The following CHAT variants were observed in gnomAD, a reference collection of about 807,000 sequenced individuals.
CHAT encodes choline O-acetyltransferase, also known as acetyl CoA:choline O-acetyltransferase.
CHAT carries 61 observed loss-of-function variants against 76.9 expected under a neutral mutation model. The observed-to-expected ratio is 0.79, with a 90% CI of 0.65 to 0.98. The LOEUF (loss-of-function observed/expected upper bound fraction) is 0.98. Ranked by LOEUF, CHAT falls within the 50% of genes least tolerant of loss-of-function variation. The pLI, the probability that CHAT is intolerant of heterozygous loss-of-function variation, is 0.00. For synonymous variants in CHAT, 407 were observed against 397.4 expected (o/e 1.02, Z -0.29); for missense variants, 946 against 986.9 (o/e 0.96, Z 0.56).
chr10:49,629,946 C>T (rs17010197), intron 7 of CHAT, among the ~76,000 whole-genome samples: 5 of 152,048 alleles, frequency 3.3e-5, no homozygotes, highest in African/African-American at 4.8e-5. Context: ...AGACCAGTGA[C>T]GTCAAGGCCA....
upstream of CHAT, chr10:49,611,441 T>G (rs1838292799): frequency 6.3e-6 from 10 of 1,598,174 alleles, no homozygotes; most frequent in Non-Finnish European, 7.6e-6. Flanking sequence ...TTCGGGGGCA[T>G]CCTCTATGAG....
At chr10:49,630,526 G>C (rs779891914) in intron 7 of CHAT, among the ~76,000 whole-genome samples, 28 of 152,204 alleles carry the variant, frequency 1.8e-4, no homozygotes, top group Non-Finnish European at 4.0e-4. Flanking sequence ...AATTGTCGAT[G>C]AGGCAGTCAG....
intron 2 of CHAT, 55 bp from the exon 3 acceptor site, chr10:49,619,670 A>T: frequency 6.4e-7 from 1 of 1,559,922 alleles, no homozygotes; most frequent in African/African-American, 1.3e-5. Flanking sequence ...CAACTTGGGG[A>T]CAGGCATGGG....
intron 6 of CHAT, 132 bp from the exon 7 acceptor site, chr10:49,627,476 C>A: frequency 1.1e-6 from 1 of 935,116 alleles, no homozygotes; most frequent in Non-Finnish European, 1.8e-6. Flanking sequence ...TAAACTGAGA[C>A]TAGAACCACC....
chr10:49,663,185 G>A (rs1272958594), intron 14 of CHAT, among the ~76,000 whole-genome samples: 1 of 152,064 alleles, frequency 6.6e-6, no homozygotes, highest in Non-Finnish European at 1.5e-5. Context: ...AGCCCTGATT[G>A]CACCACTGCA....
upstream of CHAT, chr10:49,611,035 G>A (rs1838280465): frequency 6.2e-7 from 1 of 1,613,832 alleles, no homozygotes; most frequent in Admixed American, 1.7e-5. Flanking sequence ...CAACACCTCG[G>A]CGTCCCCGAC....
Position 49,620,549 on chromosome 10 carries a change from G to A in CHAT, c.634G>A (p.Val212Ile). ...MYLNNRLALP[V>I]NSSPAVIFAR... is the part of the protein sequence containing the mutation. ...TCTCAACAACCGCCTGGCCCTGCCT[G>A]TCAACTCCAGCCCTGCCGTGATCTT... Residue 212 changes from valine to isoleucine, a missense_variant, in exon 4 of 15, where the codon GTC (valine) becomes ATC (isoleucine). Val to Ile is a conservative substitution (Grantham distance 29). This residue lies in a region of CHAT where 548 missense variants were observed against 516.2 expected (regional missense o/e 1.06). Coordinates refer to ENST00000337653, the MANE Select transcript of CHAT (RefSeq NM_020549.5). 1 of 1,613,908 alleles carries A rather than the reference G, an allele frequency of 6.2e-7. No homozygotes were observed. Among genetic ancestry groups the A allele is most frequent in the Non-Finnish European group, 8.5e-7 (1 of 1,179,878 alleles).
intron 4 of CHAT, among the ~76,000 whole-genome samples, chr10:49,621,528 C>T (rs970949690): frequency 6.6e-6 from 1 of 152,172 alleles, no homozygotes; most frequent in Non-Finnish European, 1.5e-5. Flanking sequence ...CCCAAGCACT[C>T]GATTTCCTTT....
In CHAT at chr10:49,656,232, A is replaced by G. The variant is rs549955793; in HGVS notation, c.1839+784A>G. Among the ~76,000 whole-genome samples, 25 of 150,452 alleles carry G rather than the reference A, an allele frequency of 1.7e-4. No individual in the cohort carries two copies. The East Asian group carries it at 2.0e-3, about 12-fold the overall frequency. On this transcript the variant is annotated intron_variant, in intron 13 of 14. Coordinates refer to ENST00000337653, the MANE Select transcript of CHAT (RefSeq NM_020549.5). ...GGTCCCTAATTCATCTAAATACTTCAGTGTTTGTTCTATTTGGGGAAAACA... is the reference window on the plus strand; with the variant it reads ...GGTCCCTAATTCATCTAAATACTTCGGTGTTTGTTCTATTTGGGGAAAACA...
intron 2 of CHAT, among the ~76,000 whole-genome samples, chr10:49,617,402 G>C (rs1278516355): frequency 6.6e-6 from 1 of 152,184 alleles, no homozygotes; most frequent in African/African-American, 2.4e-5. Flanking sequence ...CCCAGGATCT[G>C]ACTCACATGA....
intron 6 of CHAT, among the ~76,000 whole-genome samples, chr10:49,627,209 C>T (rs1157831896): frequency 6.6e-6 from 1 of 152,248 alleles, no homozygotes; most frequent in Non-Finnish European, 1.5e-5. Context: ...TTCCGGTACA[C>T]ACGGGTACGT....
At chr10:49,624,252 T>A (rs1264219967) in intron 5 of CHAT, among the ~76,000 whole-genome samples, 4 of 152,172 alleles carry the variant, frequency 2.6e-5, no homozygotes. Context: ...CAACAAAAAA[T>A]TGATTACTAG....
At chr10:49,615,181 C>A (rs888824308) in intron 1 of CHAT, among the ~76,000 whole-genome samples, 2 of 152,062 alleles carry the variant, frequency 1.3e-5, no homozygotes, top group African/African-American at 4.8e-5. Context: ...GGCTCTGGGC[C>A]AGAGCAAAAG....
intron 7 of CHAT, among the ~76,000 whole-genome samples, chr10:49,632,748 C>A (rs1240153336): frequency 6.6e-6 from 1 of 152,224 alleles, no homozygotes; most frequent in Non-Finnish European, 1.5e-5. Context: ...CTTCACCCTG[C>A]CCCCAACCAG....
intron 13 of CHAT, among the ~76,000 whole-genome samples, chr10:49,657,485 T>G (rs1385931234): frequency 6.6e-6 from 1 of 152,060 alleles, no homozygotes; most frequent in African/African-American, 2.4e-5. Flanking sequence ...TCAGTTCCTC[T>G]CTACCACCCC....
At chr10:49,623,635 G>A (rs1379685251) in intron 5 of CHAT, among the ~76,000 whole-genome samples, 1 of 152,026 alleles carries the variant, frequency 6.6e-6, no homozygotes, top group Non-Finnish European at 1.5e-5. Context: ...TCCCCACCGG[G>A]GTGTCTCTCA....
upstream of CHAT, chr10:49,611,401 A>G (rs2132686941): frequency 1.3e-6 from 2 of 1,598,518 alleles, no homozygotes; most frequent in Non-Finnish European, 1.7e-6. Flanking sequence ...GCTGGCCTTC[A>G]TTAGCTTCGG....
At chr10:49,633,757 T>C (rs1729802383) in intron 7 of CHAT, among the ~76,000 whole-genome samples, 1 of 152,198 alleles carries the variant, frequency 6.6e-6, no homozygotes, top group Non-Finnish European at 1.5e-5. Flanking sequence ...CCCCCAGCCC[T>C]CTGGCTTTCC....
intron 8 of CHAT, among the ~76,000 whole-genome samples, chr10:49,647,431 A>G (rs1590607692): frequency 6.6e-6 from 1 of 152,356 alleles, no homozygotes; most frequent in South Asian, 2.1e-4. Flanking sequence ...GCCATGTAGT[A>G]TAAAACAGCA....
Sources: gnomAD v4.1 joint callset for allele counts (sites outside exome capture counted in the v4.1 genomes callset) on GRCh38, gnomAD v4.1.1 for gene constraint, gnomAD v4.1.1 regional missense constraint, MANE v1.5 for transcripts, NCBI Gene and HGNC (gene_info 2026-07-23, HGNC 2026-07-21) for gene names.